The following CELF4 variants were observed in gnomAD, a reference collection of about 807,000 sequenced individuals.
The protein encoded by CELF4 is CUG-BP- and ETR-3-like factor 4.
Under a neutral mutation model 59.9 loss-of-function variants are expected in CELF4, and 18 were observed. That is an observed-to-expected ratio of 0.30 (90% CI 0.21 to 0.45). The LOEUF (loss-of-function observed/expected upper bound fraction) is 0.45. CELF4 is among the 20% of genes least tolerant of loss of function. The pLI is 1.00. For synonymous variants in CELF4, 261 were observed against 267.1 expected (o/e 0.98, Z 0.22); for missense variants, 456 against 689.0 (o/e 0.66, Z 3.79).
At chr18:37,495,321 C>A (rs2099923953) in intron 1 of CELF4, among the ~76,000 whole-genome samples, 1 of 152,162 alleles carries the variant, frequency 6.6e-6, no homozygotes, top group South Asian at 2.1e-4. Flanking sequence ...TGAAGCTAGG[C>A]ATCTTCACTT....
chr18:37,259,891 G>A (rs1165666438), intron 10 of CELF4, among the ~76,000 whole-genome samples: 3 of 152,188 alleles, frequency 2.0e-5, no homozygotes, highest in Non-Finnish European at 4.4e-5. Context: ...CGTAGGAAGC[G>A]CTGCAACTGA....
At chr18:37,251,020 G>A (rs901681685) in intron 12 of CELF4, among the ~76,000 whole-genome samples, 2 of 152,052 alleles carry the variant, frequency 1.3e-5, no homozygotes, top group African/African-American at 4.8e-5. Flanking sequence ...TGGGGTGAGG[G>A]TAGGGTGGGG....
chr18:37,356,642 G>A (rs2098588773), intron 2 of CELF4, among the ~76,000 whole-genome samples: 3 of 152,214 alleles, frequency 2.0e-5, no homozygotes, highest in South Asian at 2.1e-4. Context: ...CAACATCAAC[G>A]AAGGGGCCCT....
chr18:37,333,779 T>A (rs2097657278), intron 2 of CELF4, among the ~76,000 whole-genome samples: 1 of 109,676 alleles, frequency 9.1e-6, no homozygotes, highest in Admixed American at 1.0e-4. Context: ...CATCCCTCCA[T>A]CCATGCATCC....
At position 37,274,120 on chromosome 18, in the gene CELF4, C is replaced by G; in HGVS notation, c.801+191G>C. 3 of 1,398,012 alleles carry G rather than the reference C, an allele frequency of 2.1e-6. No individual in the cohort carries two copies. The South Asian group carries it at 5.0e-5, about 23-fold the overall frequency. The allele number at this position is 1,398,012 out of a possible 1,614,324, so 86.6% of individuals were successfully genotyped here. On this transcript the variant is annotated intron_variant, in intron 6 of 12. Coordinates refer to ENST00000420428, the MANE Select transcript of CELF4 (RefSeq NM_020180.4). ...GCCCACCTCCTCCTGGCAGCCACCCCAACTGGGCCAGCCTTCTTTCAAACC... is the reference window on the plus strand; with the variant it reads ...GCCCACCTCCTCCTGGCAGCCACCCGAACTGGGCCAGCCTTCTTTCAAACC...
intron 2 of CELF4, among the ~76,000 whole-genome samples, chr18:37,456,235 G>T (rs141926179): frequency 2.0e-5 from 3 of 152,178 alleles, no homozygotes; most frequent in Admixed American, 1.3e-4. Context: ...TTTTGCTTCT[G>T]AGGCCTTGTT....
chr18:37,464,593 C>A (rs1729614155), intron 2 of CELF4, among the ~76,000 whole-genome samples: 1 of 152,146 alleles, frequency 6.6e-6, no homozygotes, highest in Admixed American at 6.5e-5. Context: ...GGCTGGCCTG[C>A]TGTTTTGGGT....
intron 2 of CELF4, among the ~76,000 whole-genome samples, chr18:37,452,908 C>T (rs2099768045): frequency 6.6e-6 from 1 of 152,140 alleles, no homozygotes; most frequent in Non-Finnish European, 1.5e-5. Context: ...AACCCTCACA[C>T]CCCAAGGGAG....
intron 1 of CELF4, among the ~76,000 whole-genome samples, chr18:37,535,391 G>C (rs1335406189): frequency 6.6e-6 from 1 of 152,116 alleles, no homozygotes; most frequent in Non-Finnish European, 1.5e-5. Context: ...GAAGACAATT[G>C]CTCCTGTTTC....
intron 2 of CELF4, among the ~76,000 whole-genome samples, chr18:37,466,717 G>T (rs781453056): frequency 7.9e-5 from 12 of 152,180 alleles, no homozygotes; most frequent in African/African-American, 1.4e-4. Flanking sequence ...CTAGGGTGGA[G>T]CAGTCATGTT....
chr18:37,559,899 TCAGAAC>T (rs1415861103), intron 1 of CELF4, among the ~76,000 whole-genome samples: 3 of 152,194 alleles, frequency 2.0e-5, no homozygotes, highest in African/African-American at 7.2e-5. Context: ...CTGATAGAAC[TCAGAAC>T]TTCACTACAT....
intron 1 of CELF4, among the ~76,000 whole-genome samples, chr18:37,564,183 C>G (rs1023236603): frequency 2.0e-5 from 3 of 152,198 alleles, no homozygotes; most frequent in African/African-American, 7.2e-5. Context: ...TCCTTAGCCC[C>G]GTGCTCCTTC....
intron 2 of CELF4, among the ~76,000 whole-genome samples, chr18:37,377,253 G>A (rs1198209677): frequency 2.6e-5 from 4 of 152,146 alleles, no homozygotes; most frequent in Admixed American, 2.6e-4. Flanking sequence ...TCCACTGCCT[G>A]GTAAGACTGC....
Position 37,243,873 on chromosome 18 carries a change from G to T in CELF4, c.*1369C>A. 5.5e-6 allele frequency: 1 copy of T among 182,230 alleles called. No homozygotes were observed. Among genetic ancestry groups the T allele is most frequent in the Non-Finnish European group, 1.2e-5 (1 of 86,480 alleles). 11.3% of individuals were successfully genotyped at this position (182,230 alleles called of 1,614,324 possible). A position where few individuals can be genotyped will look rare whatever the true frequency, so the allele number is the denominator to read the frequency against. On this transcript the variant is annotated 3_prime_UTR_variant, in exon 13 of 13. Coordinates refer to ENST00000420428, the MANE Select transcript of CELF4 (RefSeq NM_020180.4). ...GTGAAGCGGAAGGTGAGTGAAGCGC[G>T]CGCAGCTCCCAGAGGGAAGCGAGAG...
At chr18:37,297,602 G>A (rs2095732668) in intron 3 of CELF4, among the ~76,000 whole-genome samples, 1 of 152,194 alleles carries the variant, frequency 6.6e-6, no homozygotes, top group African/African-American at 2.4e-5. Context: ...AGGATATAAT[G>A]TAATAAGTTT....
At chr18:37,261,232 C>T (rs1490518489) in intron 10 of CELF4, among the ~76,000 whole-genome samples, 1 of 151,448 alleles carries the variant, frequency 6.6e-6, no homozygotes, top group Non-Finnish European at 1.5e-5. Flanking sequence ...TGCCCAGCCC[C>T]CTCCAGCCCC....
At chr18:37,340,924 A>G (rs537953247) in intron 2 of CELF4, among the ~76,000 whole-genome samples, 2 of 152,334 alleles carry the variant, frequency 1.3e-5, no homozygotes, top group Non-Finnish European at 2.9e-5. Context: ...TTTCAGTGAT[A>G]TCAAGCTAAC....
At chr18:37,412,564 G>T (rs2099479310) in intron 2 of CELF4, among the ~76,000 whole-genome samples, 1 of 151,706 alleles carries the variant, frequency 6.6e-6, no homozygotes, top group Non-Finnish European at 1.5e-5. Flanking sequence ...GTGCATGTGT[G>T]TATGAATGGG....
chr18:37,318,691 C>T (rs938387064), intron 3 of CELF4, among the ~76,000 whole-genome samples: 24 of 144,402 alleles, frequency 1.7e-4, no homozygotes, highest in African/African-American at 4.0e-4. Context: ...TGGTTTGGGG[C>T]GAGTGTTAGC....
Sources: gnomAD v4.1 joint callset for allele counts (sites outside exome capture counted in the v4.1 genomes callset) on GRCh38, gnomAD v4.1.1 for gene constraint, MANE v1.5 for transcripts, NCBI Gene and HGNC (gene_info 2026-07-23, HGNC 2026-07-21) for gene names.